CA8: variants seen among roughly 807,000 people sequenced by gnomAD.
CA8 encodes the protein carbonic anhydrase 8 (inactive), also known as carbonic anhydrase-related protein.
Under a neutral mutation model 41.4 loss-of-function variants are expected in CA8, and 22 were observed. The ratio of observed to expected loss-of-function variants is 0.53; its 90% CI spans 0.38 to 0.76. The LOEUF is 0.76. CA8 is among the 30% of genes least tolerant of loss of function. The pLI is 0.00. For missense variants in CA8, 270 were observed against 352.8 expected (o/e 0.77, Z 1.88); for synonymous variants, 121 against 130.6 (o/e 0.93, Z 0.50).
At chr8:60,245,433 A>T (rs900796152) in intron 3 of CA8, among the ~76,000 whole-genome samples, 1 of 152,204 alleles carries the variant, frequency 6.6e-6, no homozygotes, top group Non-Finnish European at 1.5e-5. Context: ...TTTACTTTAA[A>T]ATCATAACAA....
chr8:60,206,972 C>A (rs763283614), intron 8 of CA8, among the ~76,000 whole-genome samples: 1 of 152,184 alleles, frequency 6.6e-6, no homozygotes, highest in Non-Finnish European at 1.5e-5. Context: ...TCAATCCCAC[C>A]CCGTCTCTGT....
At chr8:60,222,867 C>CTA in intron 6 of CA8, 106 bp from the exon 7 acceptor site, 5 of 738,198 alleles carry the variant, frequency 6.8e-6, no homozygotes, top group Non-Finnish European at 1.2e-5. Context: ...AATGATGCTT[C>CTA]TAAGATGGAT....
rs35486936 is a variant in CA8 at position 60,190,938 on chromosome 8, C to CTATATATA, written c.*36-961_*36-954dup. On this transcript the variant is annotated intron_variant, in intron 8 of 8. Transcript: ENST00000317995. Reference sequence around the variant, plus strand: ...GTGGACACACCTGCACACACACACACTATATATATATATATATATACACAC... The same window carrying CTATATATA: ...GTGGACACACCTGCACACACACACACTATATATATATATATATATATATATATACACAC... 6.2e-3 allele frequency among the ~76,000 whole-genome samples: 727 copies of CTATATATA among 117,360 alleles called. 32 individuals carry two copies. Among genetic ancestry groups the CTATATATA allele is most frequent in the African/African-American group, 0.023 (682 of 29,270 alleles). 77.0% of individuals were successfully genotyped at this position (117,360 alleles called of 152,430 possible).
intron 7 of CA8, 86 bp downstream of exon 7, chr8:60,222,563 T>C: frequency 1.2e-6 from 1 of 865,926 alleles, no homozygotes. Flanking sequence ...TACAGGAAGC[T>C]AAAACACAAA....
intron 3 of CA8, among the ~76,000 whole-genome samples, chr8:60,233,220 C>T (rs1367344725): frequency 4.6e-5 from 7 of 152,326 alleles, no homozygotes; most frequent in African/African-American, 1.7e-4. Context: ...GTTATAATTA[C>T]TTACCGCCTT....
intron 8 of CA8, among the ~76,000 whole-genome samples, chr8:60,200,766 T>G (rs1368297157): frequency 6.6e-6 from 1 of 152,182 alleles, no homozygotes; most frequent in African/African-American, 2.4e-5. Flanking sequence ...TCCATCACTC[T>G]CACTGTGCTC....
chr8:60,266,099 C>T, intron 2 of CA8, 50 bp from the exon 3 acceptor site: 1 of 1,561,770 alleles, frequency 6.4e-7, no homozygotes, highest in African/African-American at 1.5e-5. Flanking sequence ...TTTACCTCAG[C>T]ATTATAAACA....
chr8:60,248,162 G>A (rs899741147), intron 3 of CA8, among the ~76,000 whole-genome samples: 2 of 151,920 alleles, frequency 1.3e-5, no homozygotes, highest in African/African-American at 4.8e-5. Flanking sequence ...GACCTTGTCA[G>A]ATGGGCAGAT....
chr8:60,269,334 C>T (rs1042813205), intron 2 of CA8, among the ~76,000 whole-genome samples: 6 of 152,062 alleles, frequency 3.9e-5, no homozygotes, highest in African/African-American at 1.2e-4. Context: ...CACTACATGG[C>T]AGGTTTATTA....
intron 3 of CA8, among the ~76,000 whole-genome samples, chr8:60,235,809 A>G (rs1807809807): frequency 6.6e-6 from 1 of 152,242 alleles, no homozygotes; most frequent in Admixed American, 6.5e-5. Context: ...GCTGTATTCT[A>G]GAAAACACTA....
chr8:60,203,673 A>T (rs1190057013), intron 8 of CA8, among the ~76,000 whole-genome samples: 4 of 152,152 alleles, frequency 2.6e-5, no homozygotes, highest in Non-Finnish European at 5.9e-5. Flanking sequence ...ATGCTTTTTT[A>T]AAAAAGTATC....
chr8:60,271,306 C>T (rs1804065091), intron 2 of CA8, among the ~76,000 whole-genome samples: 2 of 150,788 alleles, frequency 1.3e-5, no homozygotes, highest in South Asian at 2.1e-4. Flanking sequence ...TGTACTCCAG[C>T]GTGGCCAACA....
At chr8:60,253,592 T>C (rs1381837558) in intron 3 of CA8, among the ~76,000 whole-genome samples, 2 of 152,130 alleles carry the variant, frequency 1.3e-5, no homozygotes, top group Non-Finnish European at 2.9e-5. Flanking sequence ...AAAGTGCTAG[T>C]AGTTCTCGGT....
intron 3 of CA8, among the ~76,000 whole-genome samples, chr8:60,254,091 T>G (rs977716949): frequency 6.6e-6 from 1 of 152,250 alleles, no homozygotes; most frequent in South Asian, 2.1e-4. Context: ...CTTTAATCGT[T>G]ATCTTTTCAC....
intron 8 of CA8, among the ~76,000 whole-genome samples, chr8:60,207,713 C>A (rs1228465385): frequency 6.6e-6 from 1 of 152,192 alleles, no homozygotes; most frequent in African/African-American, 2.4e-5. Context: ...CAAGCCTCCG[C>A]ATCTATCACC....
intron 2 of CA8, among the ~76,000 whole-genome samples, chr8:60,279,007 G>A (rs1218316366): frequency 6.6e-6 from 1 of 152,036 alleles, no homozygotes; most frequent in Non-Finnish European, 1.5e-5. Context: ...CTACGATAAA[G>A]CCAAAAACTG....
chr8:60,250,289 C>G (rs1808400084), intron 3 of CA8, among the ~76,000 whole-genome samples: 1 of 152,074 alleles, frequency 6.6e-6, no homozygotes, highest in African/African-American at 2.4e-5. Flanking sequence ...CTTTCCTGGG[C>G]ATTTCCACAG....
At chr8:60,221,982 C>T (rs1282000534) in intron 7 of CA8, among the ~76,000 whole-genome samples, 2 of 152,098 alleles carry the variant, frequency 1.3e-5, no homozygotes, top group African/African-American at 4.8e-5. Context: ...CATATCCATC[C>T]CTTACACAGA....
intron 4 of CA8, among the ~76,000 whole-genome samples, chr8:60,230,499 A>T (rs1221667722): frequency 6.6e-6 from 1 of 151,892 alleles, no homozygotes; most frequent in African/African-American, 2.4e-5. Flanking sequence ...AGTCTACTCA[A>T]TGTCTCCGAC....
Sources: allele counts gnomAD v4.1 joint callset (sites outside exome capture counted in the v4.1 genomes callset), GRCh38; gene constraint gnomAD v4.1.1; transcripts MANE v1.5; gene names NCBI Gene and HGNC (gene_info 2026-07-23, HGNC 2026-07-21).